The following PCSK5 variants were observed in gnomAD, a reference collection of about 807,000 sequenced individuals.
The protein encoded by PCSK5 is proprotein convertase subtilisin/kexin type 5, also known as prohormone convertase 5.
PCSK5 carries 129 observed loss-of-function variants against 233.2 expected under a neutral mutation model. The observed-to-expected ratio is 0.55, with a 90% confidence interval of 0.48 to 0.64. The LOEUF (loss-of-function observed/expected upper bound fraction) is 0.64. Ranked by LOEUF, PCSK5 falls within the 30% of genes least tolerant of loss-of-function variation. The pLI, the probability that PCSK5 is intolerant of heterozygous loss-of-function variation, is 0.00. For synonymous variants in PCSK5, 825 were observed against 879.2 expected, an observed-to-expected ratio of 0.94 and a Z score of 1.09; for missense variants, 2,076 against 2,430.1, an observed-to-expected ratio of 0.85 and a Z score of 3.06.
In PCSK5 at chr9:76,062,475, A is replaced by G. The variant is rs1830062831; in HGVS notation, c.633-5480A>G. On this transcript the variant is annotated intron_variant, in intron 5 of 37. Transcript: ENST00000674117. ...TATAATGGGCAGGAGGAGGGAAACA[A>G]CAATGAAATAACAATTTTCATGTCA... is the stretch of plus-strand genomic sequence containing the variant. Among the ~76,000 whole-genome samples, 3 of 152,232 alleles carry G rather than the reference A, an allele frequency of 2.0e-5. No homozygotes were observed. The South Asian group carries it at 6.2e-4, about 32-fold the overall frequency.
intron 5 of PCSK5, among the ~76,000 whole-genome samples, chr9:76,049,653 C>A (rs1829552888): frequency 6.6e-6 from 1 of 152,180 alleles, no homozygotes; most frequent in Non-Finnish European, 1.5e-5. Flanking sequence ...AGCTTAGTAA[C>A]CCCAAGGAGC....
rs557780942 is a variant in PCSK5, at chr9:75,984,790, G to A, written c.298-1342G>A. ...TTGTTGAATGAATAAATGAGTGAAT[G>A]AACCTGATCCCTTAGATTTTTTTGA... On this transcript the variant is annotated intron_variant, in intron 2 of 37. Transcript: ENST00000674117. 2.0e-5 allele frequency among the ~76,000 whole-genome samples: 3 copies of A among 152,306 alleles called. No homozygotes were observed. In the South Asian group the frequency reaches 6.2e-4, roughly 32 times the overall value.
chr9:76,089,371 G>A (rs780619796), intron 7 of PCSK5, among the ~76,000 whole-genome samples: 3 of 152,138 alleles, frequency 2.0e-5, no homozygotes, highest in Non-Finnish European at 4.4e-5. Flanking sequence ...TCTTCAAGTC[G>A]ACATATACAG....
chr9:76,085,382 G>A (rs1480023666), intron 7 of PCSK5, among the ~76,000 whole-genome samples: 7 of 152,114 alleles, frequency 4.6e-5, no homozygotes, highest in African/African-American at 7.2e-5. Flanking sequence ...CTATTTCACC[G>A]GAAACAAATT....
chr9:75,960,097 T>C (rs1052426162), intron 2 of PCSK5, among the ~76,000 whole-genome samples: 4 of 152,124 alleles, frequency 2.6e-5, no homozygotes, highest in African/African-American at 9.7e-5. Flanking sequence ...GAAGTGTAAC[T>C]AACTGTATGT....
At chr9:76,104,025 A>G (rs948645695) in intron 8 of PCSK5, among the ~76,000 whole-genome samples, 4 of 152,202 alleles carry the variant, frequency 2.6e-5, no homozygotes, top group African/African-American at 9.6e-5. Context: ...TTTAAATTAC[A>G]CTGTCAGATC....
chr9:75,973,935 C>T (rs1408538227), intron 2 of PCSK5, among the ~76,000 whole-genome samples: 1 of 152,160 alleles, frequency 6.6e-6, no homozygotes, highest in African/African-American at 2.4e-5. Context: ...TTTCCGTGAA[C>T]ATTGACACAA....
intron 2 of PCSK5, among the ~76,000 whole-genome samples, chr9:75,966,404 A>G (rs1825588472): frequency 6.6e-6 from 1 of 152,216 alleles, no homozygotes; most frequent in Admixed American, 6.5e-5. Flanking sequence ...TGTCAGCTGA[A>G]GTGTCTCCCC....
intron 20 of PCSK5, among the ~76,000 whole-genome samples, chr9:76,200,603 G>A (rs907432714): frequency 2.0e-5 from 3 of 152,152 alleles, no homozygotes; most frequent in South Asian, 2.1e-4. Context: ...GAAAACATCC[G>A]AGAGAAGTGA....
intron 2 of PCSK5, among the ~76,000 whole-genome samples, chr9:75,948,213 A>C (rs1449113921): frequency 6.6e-6 from 1 of 151,968 alleles, no homozygotes; most frequent in Non-Finnish European, 1.5e-5. Flanking sequence ...TACAACATGC[A>C]GGTTTGTTAC....
At chr9:75,969,161 C>G (rs1825716603) in intron 2 of PCSK5, among the ~76,000 whole-genome samples, 1 of 152,152 alleles carries the variant, frequency 6.6e-6, no homozygotes, top group South Asian at 2.1e-4. Flanking sequence ...AATGAATCAA[C>G]TTTACATAGC....
At chr9:76,150,646 TAATA>T (rs1230218999) in intron 10 of PCSK5, among the ~76,000 whole-genome samples, 3 of 152,030 alleles carry the variant, frequency 2.0e-5, no homozygotes, top group African/African-American at 4.8e-5. Flanking sequence ...AATAAATAAA[TAATA>T]AATAAATACC....
chr9:76,267,687 A>G (rs1210004624), intron 24 of PCSK5, among the ~76,000 whole-genome samples: 2 of 152,172 alleles, frequency 1.3e-5, no homozygotes, highest in African/African-American at 4.8e-5. Flanking sequence ...GCAGGTGCTA[A>G]GCTTTTATTT....
intron 20 of PCSK5, chr9:76,193,887 G>A (rs557364145): frequency 6.5e-6 from 1 of 153,302 alleles, no homozygotes; most frequent in African/African-American, 2.4e-5. Flanking sequence ...ACAGAGTTGT[G>A]TTTAGTGTCG....
At chr9:76,202,700 G>A (rs956947510) in intron 20 of PCSK5, among the ~76,000 whole-genome samples, 1 of 151,894 alleles carries the variant, frequency 6.6e-6, no homozygotes, top group African/African-American at 2.4e-5. Flanking sequence ...CAGTTTAAAT[G>A]TCACCTCTTT....
chr9:76,137,370 G>A (rs1244758339), intron 10 of PCSK5, among the ~76,000 whole-genome samples: 1 of 152,114 alleles, frequency 6.6e-6, no homozygotes, highest in African/African-American at 2.4e-5. Context: ...ACCTCACAGA[G>A]AGGGAAGACA....
chr9:75,995,932 T>A (rs1827002545), intron 3 of PCSK5, among the ~76,000 whole-genome samples: 2 of 152,214 alleles, frequency 1.3e-5, no homozygotes, highest in Non-Finnish European at 2.9e-5. Flanking sequence ...TGTGATAGTT[T>A]GTGAAGATCT....
chr9:76,289,508 C>T (rs1252940622), intron 24 of PCSK5, among the ~76,000 whole-genome samples: 1 of 126,964 alleles, frequency 7.9e-6, no homozygotes, highest in Non-Finnish European at 1.7e-5. Context: ...CACACACACA[C>T]ACGCAACATA....
intron 5 of PCSK5, among the ~76,000 whole-genome samples, chr9:76,046,182 T>TTTG (rs1563993042): frequency 8.2e-6 from 1 of 122,504 alleles, no homozygotes; most frequent in Non-Finnish European, 1.7e-5. Flanking sequence ...TTTTTTTTTT[T>TTTG]TTTTTTTTTT....
Sources: allele counts gnomAD v4.1 joint callset (sites outside exome capture counted in the v4.1 genomes callset), GRCh38; gene constraint gnomAD v4.1.1; transcripts MANE v1.5; gene names NCBI Gene and HGNC (gene_info 2026-07-23, HGNC 2026-07-21).